THSD7B: variants seen among roughly 807,000 people sequenced by gnomAD.
The protein encoded by THSD7B is thrombospondin type 1 domain containing 7B.
In THSD7B, 138 loss-of-function variants were observed where a neutral mutation model predicts 213.6. The ratio of observed to expected loss-of-function variants is 0.65; its 90% CI spans 0.56 to 0.74. The LOEUF (loss-of-function observed/expected upper bound fraction) is 0.74. Among genes scored for constraint, THSD7B ranks in the 30% least tolerant of loss-of-function variants. THSD7B has a pLI of 0.00. For missense variants in THSD7B, 1,931 were observed against 1,991.5 expected, an observed-to-expected ratio of 0.97 and a Z score of 0.58; for synonymous variants, 742 against 687.0, an observed-to-expected ratio of 1.08 and a Z score of -1.25.
intron 7 of THSD7B, among the ~76,000 whole-genome samples, chr2:137,215,398 A>G (rs972190815): frequency 6.6e-6 from 1 of 152,154 alleles, no homozygotes; most frequent in African/African-American, 2.4e-5. Context: ...AAAGCTGCAG[A>G]TTCCCAAACA....
intron 3 of THSD7B, among the ~76,000 whole-genome samples, chr2:137,080,698 CTCT>C (rs150038004): frequency 1.3e-4 from 20 of 151,812 alleles, no homozygotes; most frequent in South Asian, 1.2e-3. Flanking sequence ...CATTTTCTCT[CTCT>C]TCTTCTTCTT....
intron 15 of THSD7B, among the ~76,000 whole-genome samples, chr2:137,551,520 A>C (rs552203686): frequency 6.6e-6 from 1 of 152,118 alleles, no homozygotes; most frequent in Admixed American, 6.6e-5. Context: ...TGCTGTCCTT[A>C]AGAGCCACAC....
intron 27 of THSD7B, among the ~76,000 whole-genome samples, chr2:137,673,032 C>T (rs895180853): frequency 6.6e-6 from 1 of 152,168 alleles, no homozygotes; most frequent in African/African-American, 2.4e-5. Flanking sequence ...TCTTATTCTT[C>T]CCAAGTTTGA....
At chr2:137,076,527 C>A (rs1044620063) in intron 3 of THSD7B, among the ~76,000 whole-genome samples, 1 of 152,262 alleles carries the variant, frequency 6.6e-6, no homozygotes, top group African/African-American at 2.4e-5. Flanking sequence ...TCCCTGACCC[C>A]TTGTGCTTCC....
chr2:137,303,504 G>A (rs1023018696), intron 12 of THSD7B, among the ~76,000 whole-genome samples: 1 of 150,584 alleles, frequency 6.6e-6, no homozygotes, highest in African/African-American at 2.4e-5. Context: ...GAATTAATGT[G>A]GTCCTCAAAG....
At chr2:137,287,485 G>A (rs1020162648) in intron 12 of THSD7B, among the ~76,000 whole-genome samples, 1 of 152,014 alleles carries the variant, frequency 6.6e-6, no homozygotes. Flanking sequence ...TTTGGGGTAG[G>A]ATTATATTTG....
At chr2:137,229,730 G>A (rs1681595987) in intron 7 of THSD7B, among the ~76,000 whole-genome samples, 1 of 152,134 alleles carries the variant, frequency 6.6e-6, no homozygotes, top group South Asian at 2.1e-4. Flanking sequence ...GCCCGTGTAA[G>A]CATGAGCAAA....
At chr2:136,837,184 C>T (rs753546897) in intron 1 of THSD7B, among the ~76,000 whole-genome samples, 2 of 152,294 alleles carry the variant, frequency 1.3e-5, no homozygotes, top group Admixed American at 6.5e-5. Context: ...TTCTTGTCAT[C>T]CCCTGTCTTC....
At chr2:136,860,403 T>A (rs2465096) in intron 1 of THSD7B, among the ~76,000 whole-genome samples, 143,268 of 152,214 alleles carry the variant, frequency 0.94, 67,688 homozygotes, top group East Asian at 1. Flanking sequence ...GTGTACAGTT[T>A]CCTATGTGCT....
At position 137,089,032 on chromosome 2, in the gene THSD7B, A is replaced by T. The variant is rs76966845; in HGVS notation, c.951-5841A>T. ...TCCGCCCTGTTGGTGGAAAATATAA[A>T]CTAGTGTAACCACTATGAAAAACAG... On this transcript the variant is annotated intron_variant, in intron 3 of 27. Transcript: ENST00000409968. Among the ~76,000 whole-genome samples, 3,365 of 152,228 alleles carry T rather than the reference A, an allele frequency of 0.022. 242 individuals carry two copies. The East Asian group carries it at 0.26, about 12-fold the overall frequency.
At chr2:136,816,796 T>C (rs1015470901) in intron 1 of THSD7B, among the ~76,000 whole-genome samples, 1 of 152,236 alleles carries the variant, frequency 6.6e-6, no homozygotes, top group Non-Finnish European at 1.5e-5. Context: ...TGAGAAAGGT[T>C]TTATAATCTT....
intron 12 of THSD7B, among the ~76,000 whole-genome samples, chr2:137,308,062 A>T (rs1399233407): frequency 6.6e-6 from 1 of 152,016 alleles, no homozygotes; most frequent in African/African-American, 2.4e-5. Context: ...TCTGTGTGTG[A>T]TACACTATGG....
chr2:137,114,846 C>G (rs1217536010), intron 4 of THSD7B, among the ~76,000 whole-genome samples: 1 of 152,180 alleles, frequency 6.6e-6, no homozygotes, highest in Non-Finnish European at 1.5e-5. Context: ...TCACTCTCTT[C>G]CAGCTTCAAG....
chr2:137,597,497 G>A (rs1412700874), intron 17 of THSD7B, among the ~76,000 whole-genome samples: 1 of 148,062 alleles, frequency 6.8e-6, no homozygotes, highest in Non-Finnish European at 1.5e-5. Context: ...GCTTTTGTTT[G>A]CAAATATCAC....
chr2:136,909,996 T>C (rs984064713), intron 2 of THSD7B, among the ~76,000 whole-genome samples: 1 of 152,102 alleles, frequency 6.6e-6, no homozygotes, highest in Admixed American at 6.5e-5. Context: ...TTCAGATATA[T>C]ATTAACTTTG....
intron 15 of THSD7B, among the ~76,000 whole-genome samples, chr2:137,551,129 C>G (rs1680839185): frequency 6.6e-6 from 1 of 151,742 alleles, no homozygotes; most frequent in Admixed American, 6.6e-5. Context: ...AAAAATTATT[C>G]TTCAAAAAAT....
chr2:137,373,303 C>T (rs1011198552), intron 12 of THSD7B, among the ~76,000 whole-genome samples: 5 of 152,220 alleles, frequency 3.3e-5, no homozygotes, highest in African/African-American at 9.7e-5. Flanking sequence ...AACTAGTTTA[C>T]AGTCCCACCA....
chr2:136,982,415 C>T (rs564410669), intron 2 of THSD7B, among the ~76,000 whole-genome samples: 7 of 152,078 alleles, frequency 4.6e-5, no homozygotes, highest in African/African-American at 1.2e-4. Context: ...CCTCCTATCT[C>T]GGCCTCCCGA....
intron 2 of THSD7B, among the ~76,000 whole-genome samples, chr2:136,954,536 G>T (rs2105076139): frequency 6.6e-6 from 1 of 152,062 alleles, no homozygotes; most frequent in East Asian, 1.9e-4. Flanking sequence ...CTAACAGGGT[G>T]AAACCCCGTC....
Sources: allele counts gnomAD v4.1 joint callset (sites outside exome capture counted in the v4.1 genomes callset), GRCh38; gene constraint gnomAD v4.1.1; transcripts MANE v1.5; gene names NCBI Gene and HGNC (gene_info 2026-07-23, HGNC 2026-07-21).